AHCYL2: variants seen among roughly 807,000 people sequenced by gnomAD.
AHCYL2 encodes adenosylhomocysteinase like 2.
In AHCYL2, 28 loss-of-function variants were observed where a neutral mutation model predicts 81.4. That is an observed-to-expected ratio of 0.34 (90% CI 0.25 to 0.47). AHCYL2 has a LOEUF of 0.47. Ranked by LOEUF, AHCYL2 falls within the 20% of genes least tolerant of loss-of-function variation. The probability of loss-of-function intolerance (pLI) is 1.00; values close to 1 mark genes in which losing one functional copy is unlikely to be tolerated. For missense variants in AHCYL2, 551 were observed against 785.1 expected, an observed-to-expected ratio of 0.70 and a Z score of 3.56; for synonymous variants, 272 against 290.2, an observed-to-expected ratio of 0.94 and a Z score of 0.64.
chr7:129,228,012 A>G (rs1157980862), intron 1 of AHCYL2, among the ~76,000 whole-genome samples: 1 of 152,236 alleles, frequency 6.6e-6, no homozygotes, highest in Non-Finnish European at 1.5e-5. Flanking sequence ...GTTGAAAGTC[A>G]TCTCACCAAG....
intron 5 of AHCYL2, 55 bp from the exon 6 acceptor site, chr7:129,400,234 AG>A (rs1392004185): frequency 6.7e-7 from 1 of 1,482,696 alleles, no homozygotes; most frequent in African/African-American, 1.4e-5. Context: ...CACTAAAATT[AG>A]GGGGTCAGCC....
intron 1 of AHCYL2, among the ~76,000 whole-genome samples, chr7:129,282,942 C>G (rs568173202): frequency 6.6e-6 from 1 of 152,308 alleles, no homozygotes; most frequent in South Asian, 2.1e-4. Context: ...CCTTGGAATA[C>G]TCTACCTCGT....
intron 1 of AHCYL2, among the ~76,000 whole-genome samples, chr7:129,324,538 T>A (rs1798150191): frequency 6.6e-6 from 1 of 152,180 alleles, no homozygotes; most frequent in Non-Finnish European, 1.5e-5. Context: ...TGTTTTGAGA[T>A]GGAGTCTTGC....
Position 129,426,932 on chromosome 7 carries a change from T to A in AHCYL2, c.1830-107T>A. 1 of 1,133,956 alleles carries A rather than the reference T, an allele frequency of 8.8e-7. No individual in the cohort carries two copies. The highest frequency in any genetic ancestry group is 1.3e-6 in the Non-Finnish European group (1 of 764,422). The allele number at this position is 1,133,956 out of a possible 1,614,324, so 70.2% of individuals were successfully genotyped here. On this transcript the variant is annotated intron_variant, in intron 16 of 16. Coordinates refer to ENST00000325006, the MANE Select transcript of AHCYL2 (RefSeq NM_015328.4). This position sits in a 1 kb window ranked among gnomAD's most constrained non-coding sequence, Gnocchi z 4.3. ...ACAGTTATTTCCTGTCACTGTACAC[T>A]CCAGAAAAGTCTCTGCCTCCCTGTT...
intron 1 of AHCYL2, among the ~76,000 whole-genome samples, chr7:129,332,969 TC>T (rs1798473603): frequency 6.6e-6 from 1 of 152,208 alleles, no homozygotes; most frequent in African/African-American, 2.4e-5. Context: ...TAGTCATTCT[TC>T]CCAGCAGCTG....
chr7:129,368,493 C>G lies in AHCYL2; in HGVS notation c.364-11145C>G. On this transcript the variant is annotated intron_variant, in intron 1 of 16. Coordinates refer to ENST00000325006, the MANE Select transcript of AHCYL2 (RefSeq NM_015328.4). This position sits in a 1 kb window ranked among gnomAD's most constrained non-coding sequence, Gnocchi z 4.4. The stretch of plus-strand genomic sequence containing the variant: ...AGGACATATCTTACCCAAGCCTGCA[C>G]TATGGAGAAGTGGGACGGTAATGAG... The G allele has an allele frequency of 6.2e-7, 1 of 1,614,012 alleles. No homozygotes were observed. The highest frequency in any genetic ancestry group is 8.5e-7 in the Non-Finnish European group (1 of 1,179,890).
intron 1 of AHCYL2, among the ~76,000 whole-genome samples, chr7:129,320,792 C>A (rs1797987995): frequency 6.6e-6 from 1 of 152,084 alleles, no homozygotes; most frequent in Admixed American, 6.5e-5. Context: ...TATTTTCCTC[C>A]CCCCAGCCCC....
intron 11 of AHCYL2, among the ~76,000 whole-genome samples, 195 bp from the exon 12 acceptor site, chr7:129,413,399 C>T (rs1049011594): frequency 4.0e-5 from 6 of 151,810 alleles, no homozygotes; most frequent in African/African-American, 1.2e-4. Context: ...TCTCAGCCTC[C>T]GAAAGTGCTG....
chr7:129,344,881 A>G (rs1044221979), intron 1 of AHCYL2, among the ~76,000 whole-genome samples: 6 of 152,136 alleles, frequency 3.9e-5, no homozygotes, highest in Non-Finnish European at 8.8e-5. Context: ...TCAGCTGGGC[A>G]TGGTGGCTCA....
intron 1 of AHCYL2, among the ~76,000 whole-genome samples, chr7:129,285,066 T>G (rs1202438972): frequency 6.6e-6 from 1 of 152,220 alleles, no homozygotes; most frequent in Non-Finnish European, 1.5e-5. Flanking sequence ...TTAATAAGGC[T>G]GGGACAGCCA....
intron 2 of AHCYL2, among the ~76,000 whole-genome samples, chr7:129,384,843 A>G (rs981902755): frequency 6.6e-6 from 1 of 152,258 alleles, no homozygotes; most frequent in African/African-American, 2.4e-5. Context: ...TTCATTATGT[A>G]CAATGGATGC....
intron 13 of AHCYL2, among the ~76,000 whole-genome samples, chr7:129,423,557 A>T (rs1015446109): frequency 2.0e-5 from 3 of 152,160 alleles, no homozygotes; most frequent in Non-Finnish European, 4.4e-5. Context: ...CTAGTCCTGG[A>T]TTCCTGACAG....
chr7:129,296,096 C>T (rs1038217128), intron 1 of AHCYL2, among the ~76,000 whole-genome samples: 3 of 152,158 alleles, frequency 2.0e-5, no homozygotes, highest in Non-Finnish European at 4.4e-5. Flanking sequence ...TATTCCAACT[C>T]ATTGGAGACT....
intron 1 of AHCYL2, among the ~76,000 whole-genome samples, chr7:129,315,335 G>C (rs568796477): frequency 6.6e-6 from 1 of 152,092 alleles, no homozygotes; most frequent in Non-Finnish European, 1.5e-5. Context: ...CAGTACCTTG[G>C]TTCTTTCCTA....
intron 1 of AHCYL2, among the ~76,000 whole-genome samples, chr7:129,337,834 C>T (rs1173367922): frequency 6.6e-6 from 1 of 152,206 alleles, no homozygotes; most frequent in Non-Finnish European, 1.5e-5. Context: ...ACCTCCACCT[C>T]CCGGGTTCAA....
At chr7:129,291,746 C>T (rs2150751647) in intron 1 of AHCYL2, among the ~76,000 whole-genome samples, 1 of 151,810 alleles carries the variant, frequency 6.6e-6, no homozygotes, top group African/African-American at 2.4e-5. Flanking sequence ...GGACTACAGG[C>T]ACCCGCCACC....
chr7:129,328,629 C>T (rs76473114), intron 1 of AHCYL2, among the ~76,000 whole-genome samples: 29 of 152,112 alleles, frequency 1.9e-4, no homozygotes, highest in Non-Finnish European at 1.0e-4. Context: ...GGATTACAGG[C>T]GTGTGCCACT....
intron 11 of AHCYL2, among the ~76,000 whole-genome samples, chr7:129,412,201 C>G (rs1450372354): frequency 1.3e-5 from 2 of 151,636 alleles, no homozygotes; most frequent in Admixed American, 1.3e-4. Context: ...AAATACAAAA[C>G]TTAGCTGGGT....
intron 1 of AHCYL2, among the ~76,000 whole-genome samples, chr7:129,349,456 C>T (rs1460911390): frequency 7.2e-6 from 1 of 139,570 alleles, no homozygotes; most frequent in Non-Finnish European, 1.5e-5. Context: ...CATGGTGAAA[C>T]CCCATCTCTA....
Sources: gnomAD v4.1 joint callset for allele counts (sites outside exome capture counted in the v4.1 genomes callset) on GRCh38, gnomAD v4.1.1 for gene constraint, Gnocchi (gnomAD v3.1) non-coding constraint, MANE v1.5 for transcripts, NCBI Gene and HGNC (gene_info 2026-07-23, HGNC 2026-07-21) for gene names.